AGR3: variants seen among roughly 807,000 people sequenced by gnomAD.
The protein encoded by AGR3 is anterior gradient protein 3.
In AGR3, 37 loss-of-function variants were observed where a neutral mutation model predicts 24.5. The observed-to-expected ratio is 1.51, with a 90% CI of 1.16 to 1.99. The LOEUF (loss-of-function observed/expected upper bound fraction) is 1.99. AGR3 is among the 30% of genes most tolerant of loss of function. The probability of loss-of-function intolerance (pLI) is 0.00; values close to 1 mark genes in which losing one functional copy is unlikely to be tolerated. For synonymous variants in AGR3, 75 were observed against 61.6 expected (o/e 1.22, Z -1.02); for missense variants, 228 against 191.1 (o/e 1.19, Z -1.14).
intron 2 of AGR3, 103 bp from the exon 3 acceptor site, chr7:16,873,946 C>G (rs1251680821): frequency 1.1e-6 from 1 of 915,350 alleles, no homozygotes; most frequent in Admixed American, 2.0e-5. Context: ...TTTAACTAAG[C>G]CATCAAGCTG....
downstream of AGR3, among the ~76,000 whole-genome samples, chr7:16,857,996 T>TC (rs1444522360): frequency 1.3e-5 from 2 of 151,782 alleles, no homozygotes; most frequent in African/African-American, 4.8e-5. Context: ...ATTTTCTTTT[T>TC]TTTTTTTTGA....
chr7:16,861,857 C>CG (rs1781650610), intron 5 of AGR3, 127 bp downstream of exon 5: 8 of 789,970 alleles, frequency 1.0e-5, no homozygotes, highest in Non-Finnish European at 1.6e-5. Context: ...GCCCAGATTA[C>CG]GCCACTGCAC....
intron 3 of AGR3, chr7:16,873,296 A>G (rs1459371380): frequency 2.0e-5 from 3 of 153,188 alleles, no homozygotes; most frequent in South Asian, 2.0e-4. Flanking sequence ...TCACAGCAGC[A>G]TGAATGAGCC....
chr7:16,880,029 T>A (rs4998166), intron 1 of AGR3, among the ~76,000 whole-genome samples: 140,559 of 149,566 alleles, frequency 0.94, 66,037 homozygotes, highest in East Asian at 1. Context: ...CCCTCCCTAA[T>A]CCCCAGTTGT....
chr7:16,867,131 T>C (rs572714252), intron 3 of AGR3, among the ~76,000 whole-genome samples: 2 of 152,286 alleles, frequency 1.3e-5, no homozygotes, highest in African/African-American at 2.4e-5. Flanking sequence ...AATAAAATTT[T>C]GCAGTGGTAT....
downstream of AGR3, among the ~76,000 whole-genome samples, chr7:16,855,676 G>T (rs1781548512): frequency 6.6e-6 from 1 of 152,108 alleles, no homozygotes; most frequent in African/African-American, 2.4e-5. Flanking sequence ...TTTAAAAGAA[G>T]AAAAGAATGC....
chr7:16,880,998 C>T (rs889732834), intron 1 of AGR3, among the ~76,000 whole-genome samples: 4 of 152,140 alleles, frequency 2.6e-5, no homozygotes, highest in Non-Finnish European at 5.9e-5. Flanking sequence ...GCCTCTGTTC[C>T]TTTTCCGTGG....
intron 2 of AGR3, among the ~76,000 whole-genome samples, chr7:16,875,649 G>A (rs1781973460): frequency 6.6e-6 from 1 of 151,894 alleles, no homozygotes; most frequent in Non-Finnish European, 1.5e-5. Flanking sequence ...TGATCAAATG[G>A]TCACTCTGTA....
At chr7:16,870,607 G>A (rs1305373856) in intron 3 of AGR3, among the ~76,000 whole-genome samples, 2 of 152,048 alleles carry the variant, frequency 1.3e-5, no homozygotes, top group African/African-American at 4.8e-5. Flanking sequence ...TTCAAATATA[G>A]ATGTTTTATT....
downstream of AGR3, among the ~76,000 whole-genome samples, chr7:16,856,114 G>A (rs1411469748): frequency 6.6e-6 from 1 of 152,150 alleles, no homozygotes; most frequent in African/African-American, 2.4e-5. Flanking sequence ...ATTTAGTAAG[G>A]AGTTATTTCC....
intron 3 of AGR3, among the ~76,000 whole-genome samples, chr7:16,863,611 A>ATGCATGT (rs1162604355): frequency 6.6e-6 from 1 of 152,090 alleles, no homozygotes; most frequent in African/African-American, 2.4e-5. Flanking sequence ...ATATACCCAG[A>ATGCATGT]TGCATGTTCA....
chr7:16,878,629 G>C lies in AGR3; in HGVS notation c.-11C>G, dbSNP rs1179268985. On this transcript the variant is annotated 5_prime_UTR_variant, in exon 2 of 8. Coordinates refer to ENST00000310398, the MANE Select transcript of AGR3 (RefSeq NM_176813.5). ...TGAGTGTAGCATCATGTCTTCTAGA[G>C]ACTCTCTCAGAAGAAGCTAGATGAC... 11 of 1,604,234 alleles carry C rather than the reference G, an allele frequency of 6.9e-6. No individual in the cohort carries two copies. Among genetic ancestry groups the C allele is most frequent in the Non-Finnish European group, 6.8e-6 (8 of 1,171,332 alleles).
At chr7:16,874,230 T>C (rs545605256) in intron 2 of AGR3, among the ~76,000 whole-genome samples, 1 of 152,304 alleles carries the variant, frequency 6.6e-6, no homozygotes, top group East Asian at 1.9e-4. Context: ...TCGGCTGTAC[T>C]CTACAATGCC....
chr7:16,854,834 T>G (rs879658335), downstream of AGR3, among the ~76,000 whole-genome samples: 5 of 152,182 alleles, frequency 3.3e-5, no homozygotes, highest in African/African-American at 4.8e-5. Flanking sequence ...GAGCATTCCT[T>G]GGCTTCTGCT....
At chr7:16,874,644 G>A (rs924454740) in intron 2 of AGR3, among the ~76,000 whole-genome samples, 2 of 152,066 alleles carry the variant, frequency 1.3e-5, no homozygotes, top group Non-Finnish European at 2.9e-5. Context: ...TTTGGGCCCA[G>A]GTTTTCTTGT....
intron 2 of AGR3, among the ~76,000 whole-genome samples, chr7:16,876,129 C>CA (rs1781982936): frequency 6.6e-6 from 1 of 152,128 alleles, no homozygotes; most frequent in African/African-American, 2.4e-5. Flanking sequence ...CTATTCTCAA[C>CA]AAATTGTCCA....
At chr7:16,856,802 T>TAC (rs565474786), downstream of AGR3, among the ~76,000 whole-genome samples, 6 of 150,184 alleles carry the variant, frequency 4.0e-5, no homozygotes, top group African/African-American at 7.3e-5. Flanking sequence ...ATTATACACA[T>TAC]ACACACACAC....
At chr7:16,856,658 T>A (rs540628490), downstream of AGR3, among the ~76,000 whole-genome samples, 1 of 152,336 alleles carries the variant, frequency 6.6e-6, no homozygotes, top group East Asian at 1.9e-4. Context: ...AAAGCCTGCA[T>A]TAAAATGCTT....
intron 7 of AGR3, among the ~76,000 whole-genome samples, chr7:16,860,290 T>A (rs1324428114): frequency 6.6e-6 from 1 of 152,160 alleles, no homozygotes; most frequent in African/African-American, 2.4e-5. Context: ...AATTTAGTAA[T>A]CCTAAAATCC....
Sources: gnomAD v4.1 joint callset for allele counts (sites outside exome capture counted in the v4.1 genomes callset) on GRCh38, gnomAD v4.1.1 for gene constraint, MANE v1.5 for transcripts, NCBI Gene and HGNC (gene_info 2026-07-23, HGNC 2026-07-21) for gene names.